Variants in ZNF250 observed in about 807,000 individuals in gnomAD.
The protein encoded by ZNF250 is zinc finger protein 250.
Under a neutral mutation model 37.1 loss-of-function variants are expected in ZNF250, and 13 were observed. The ratio of observed to expected loss-of-function variants is 0.35; its 90% confidence interval spans 0.23 to 0.56. The LOEUF is 0.56. Ranked by LOEUF, ZNF250 falls within the 20% of genes least tolerant of loss-of-function variation. The probability of loss-of-function intolerance (pLI) is 0.87; values close to 1 mark genes in which losing one functional copy is unlikely to be tolerated. For missense variants in ZNF250, 474 were observed against 697.9 expected (o/e 0.68, Z 3.61); for synonymous variants, 251 against 265.6 (o/e 0.94, Z 0.54).
At position 144,889,563 on chromosome 8, in the gene ZNF250, C is replaced by A; in HGVS notation, c.283+18G>T. 1 of 1,592,278 alleles carries A rather than the reference C, an allele frequency of 6.3e-7. No homozygotes were observed. The highest frequency in any genetic ancestry group is 8.6e-7 in the Non-Finnish European group (1 of 1,160,874). ...TGTTTAGCCCTCAGTGAGGGAGGGG[C>A]CAGCTCTCCTCACTCACCTGAGTAG... On this transcript the variant is annotated intron_variant, in intron 4 of 5. Transcript: ENST00000417550.
intron 1 of ZNF250, among the ~76,000 whole-genome samples, chr8:144,896,565 C>T (rs1255894712): frequency 1.3e-5 from 2 of 152,096 alleles, no homozygotes; most frequent in Non-Finnish European, 2.9e-5. Context: ...TAAGAGCTAT[C>T]GGGGGTGCCA....
In ZNF250 at chr8:144,880,574, G is replaced by C. The variant is rs762346036; in HGVS notation, c.*941C>G. On this transcript the variant is annotated 3_prime_UTR_variant, in exon 6 of 6. Coordinates refer to ENST00000417550, the MANE Select transcript of ZNF250 (RefSeq NM_001109689.4). ...TAAAGTTAAAAGCTCCAGATAAAGG[G>C]TTTTCTAGGCCAGGCATGGTGCCTC... The C allele has an allele frequency of 2.2e-6, 1 of 445,690 alleles. No individual in the cohort carries two copies. Among genetic ancestry groups the C allele is most frequent in the Non-Finnish European group, 4.6e-6 (1 of 219,246 alleles). The allele number at this position is 445,690 out of a possible 1,614,324, so 27.6% of individuals were successfully genotyped here. A position where few individuals can be genotyped will look rare whatever the true frequency, so the allele number is the denominator to read the frequency against.
chr8:144,883,570 C>A (rs181512779), intron 5 of ZNF250, among the ~76,000 whole-genome samples: 1 of 152,226 alleles, frequency 6.6e-6, no homozygotes, highest in Non-Finnish European at 1.5e-5. Flanking sequence ...GAACTCTTGA[C>A]TTCAAGTGAT....
Position 144,890,459 on chromosome 8 carries a change from G to T in ZNF250, c.-54-56C>A. On this transcript the variant is annotated intron_variant, in intron 1 of 5. Coordinates refer to ENST00000417550, the MANE Select transcript of ZNF250 (RefSeq NM_001109689.4). This position sits in a 1 kb window ranked among gnomAD's most constrained non-coding sequence, Gnocchi z 5.1. ...ATGGCCTTGAGACCGTAACTTCCTA[G>T]GGGGCCCTCAGGGGATCCCTGGGCC... 8.9e-7 allele frequency: 1 copy of T among 1,124,684 alleles called. No individual in the cohort carries two copies. The highest frequency in any genetic ancestry group is 1.2e-6 in the Non-Finnish European group (1 of 830,598). The allele number at this position is 1,124,684 out of a possible 1,614,324, so 69.7% of individuals were successfully genotyped here.
rs910681830 is a variant in ZNF250, at chr8:144,886,969, G to A, written c.284-67C>T. On this transcript the variant is annotated intron_variant, in intron 4 of 5. Transcript: ENST00000417550. ...CCTTCAAGAGTGGAAAATCCTGGCCGGGCATGGTGGCTCACGTCTGTAATC... is the reference window on the plus strand; with the variant it reads ...CCTTCAAGAGTGGAAAATCCTGGCCAGGCATGGTGGCTCACGTCTGTAATC... 1.6e-5 allele frequency: 23 copies of A among 1,427,824 alleles called. No individual in the cohort carries two copies. The Admixed American group carries it at 2.7e-4, about 17-fold the overall frequency. 88.4% of individuals were successfully genotyped at this position (1,427,824 alleles called of 1,614,324 possible).
rs1377638015 is a variant in ZNF250, at chr8:144,890,565, C to T, written c.-54-162G>A. 6.6e-6 allele frequency among the ~76,000 whole-genome samples: 1 copy of T among 152,024 alleles called. No individual in the cohort carries two copies. The highest frequency in any genetic ancestry group is 1.5e-5 in the Non-Finnish European group (1 of 67,958). On this transcript the variant is annotated intron_variant, in intron 1 of 5. Coordinates refer to ENST00000417550, the MANE Select transcript of ZNF250 (RefSeq NM_001109689.4). This position sits in a 1 kb window ranked among gnomAD's most constrained non-coding sequence, Gnocchi z 5.1. ...TGCAGCCTTGGTCTGCCTTGCCTCC[C>T]CCATGAACTCTGACCCTATGGTTCA...
At chr8:144,893,795 C>G (rs1009034111) in intron 1 of ZNF250, among the ~76,000 whole-genome samples, 4 of 152,134 alleles carry the variant, frequency 2.6e-5, no homozygotes, top group African/African-American at 9.7e-5. Flanking sequence ...GTCTTGCAGC[C>G]AGTTCTCTTG....
chr8:144,886,393 C>T (rs906318831), intron 5 of ZNF250, among the ~76,000 whole-genome samples: 2 of 152,142 alleles, frequency 1.3e-5, no homozygotes, highest in South Asian at 2.1e-4. Flanking sequence ...ATCCATGGCA[C>T]GAAAGCATCA....
In ZNF250 at chr8:144,882,387, CA is replaced by C; in HGVS notation, c.795del (p.Ala266LeufsTer80). ...CGKAFRVSSD[L>X]AQHHKIHTGE... ...CCTGTATGTATCTTGTGATGCTGAG[CA>C]AGATCTGAGCTCACTCTAAAGGCTT... On this transcript the variant is annotated frameshift_variant, in exon 6 of 6. Coordinates refer to ENST00000417550, the MANE Select transcript of ZNF250 (RefSeq NM_001109689.4). LOFTEE classifies it high-confidence loss of function. The surrounding 1 kb of genome is among the most constrained non-coding windows in gnomAD (Gnocchi z 5.5). 6.2e-7 allele frequency: 1 copy of C among 1,613,944 alleles called. No homozygotes were observed. Among genetic ancestry groups the C allele is most frequent in the Non-Finnish European group, 8.5e-7 (1 of 1,179,946 alleles).
In ZNF250 at chr8:144,880,181, C is replaced by T; in HGVS notation, c.*1334G>A. 1 of 219,524 alleles carries T rather than the reference C, an allele frequency of 4.6e-6. No homozygotes were observed. The highest frequency in any genetic ancestry group is 9.8e-5 in the East Asian group (1 of 10,172). 13.6% of individuals were successfully genotyped at this position (219,524 alleles called of 1,614,324 possible). On this transcript the variant is annotated 3_prime_UTR_variant, in exon 6 of 6. Transcript: ENST00000417550. ...TAGTAATATGGCAATGGATACTGGA[C>T]TCTTGAACCAGGAGTAAAAAAATGA... is the stretch of plus-strand genomic sequence containing the variant.
At chr8:144,901,749 CCGCT>C (rs1833123376), upstream of ZNF250, 1 of 152,846 alleles carries the variant, frequency 6.5e-6, no homozygotes, top group Admixed American at 6.5e-5. This position sits in a 1 kb window ranked among gnomAD's most constrained non-coding sequence, Gnocchi z 5.4. Context: ...CGAGCCTTAC[CCGCT>C]CGCAGTCCCG....
intron 4 of ZNF250, among the ~76,000 whole-genome samples, chr8:144,887,281 G>C (rs950741175): frequency 8.6e-6 from 1 of 116,456 alleles, no homozygotes; most frequent in South Asian, 2.7e-4. Context: ...AAAAAAAAAA[G>C]AGTGGAAAAT....
intron 1 of ZNF250, among the ~76,000 whole-genome samples, chr8:144,900,089 C>T (rs1216144710): frequency 6.6e-6 from 1 of 152,134 alleles, no homozygotes; most frequent in Non-Finnish European, 1.5e-5. Flanking sequence ...GCTGGCAAAT[C>T]ACAAAGAAAT....
rs1320768712 is a variant in ZNF250, at chr8:144,878,288, C to T, written c.*3227G>A. 6.6e-6 allele frequency: 1 copy of T among 152,190 alleles called. No homozygotes were observed. The highest frequency in any genetic ancestry group is 1.5e-5 in the Non-Finnish European group (1 of 68,048). The allele number at this position is 152,190 out of a possible 1,614,324, so 9.4% of individuals were successfully genotyped here. Reference sequence around the variant, plus strand: ...TCCCTAAAGTAACCTCTTTCTAAAGCATCACCCCTAGTGATCTCAACCTTT... The same window carrying T: ...TCCCTAAAGTAACCTCTTTCTAAAGTATCACCCCTAGTGATCTCAACCTTT... On this transcript the variant is annotated 3_prime_UTR_variant, in exon 6 of 6. Coordinates refer to ENST00000417550, the MANE Select transcript of ZNF250 (RefSeq NM_001109689.4).
chr8:144,889,839 C>T, intron 3 of ZNF250, 94 bp downstream of exon 3: 1 of 1,496,856 alleles, frequency 6.7e-7, no homozygotes, highest in Non-Finnish European at 8.9e-7. Context: ...GAGCAAACCT[C>T]CAGGACCAGC....
chr8:144,894,557 A>G (rs912128228), intron 1 of ZNF250, among the ~76,000 whole-genome samples: 4 of 150,390 alleles, frequency 2.7e-5, no homozygotes. Context: ...GCAGACCAAG[A>G]AGCAGGCCCA....
At chr8:144,889,858 G>A (rs1832187389) in intron 3 of ZNF250, 75 bp downstream of exon 3, 1 of 1,523,216 alleles carries the variant, frequency 6.6e-7, no homozygotes, top group Admixed American at 2.0e-5. Flanking sequence ...GCCTGTCCCA[G>A]GCCCCGTACC....
chr8:144,883,484 C>T (rs547561140), intron 5 of ZNF250, among the ~76,000 whole-genome samples: 14 of 152,090 alleles, frequency 9.2e-5, no homozygotes, highest in South Asian at 2.1e-4. Flanking sequence ...GGATTACAGA[C>T]GCACACCATC....
At position 144,890,172 on chromosome 8, in the gene ZNF250, A is replaced by C; in HGVS notation, c.43-113T>G. ...TGGCAGTGGGGGGCTCTGTGAGCTG[A>C]GGTGGGTGATGGGAAGGGGCCGCGG... On this transcript the variant is annotated intron_variant, in intron 2 of 5. Coordinates refer to ENST00000417550, the MANE Select transcript of ZNF250 (RefSeq NM_001109689.4). This position sits in a 1 kb window ranked among gnomAD's most constrained non-coding sequence, Gnocchi z 5.1. 6.5e-7 allele frequency: 1 copy of C among 1,533,026 alleles called. No individual in the cohort carries two copies. 95.0% of individuals were successfully genotyped at this position (1,533,026 alleles called of 1,614,324 possible).
Sources: allele counts gnomAD v4.1 joint callset (sites outside exome capture counted in the v4.1 genomes callset), GRCh38; gene constraint gnomAD v4.1.1; non-coding constraint Gnocchi (gnomAD v3.1); transcripts MANE v1.5; gene names NCBI Gene and HGNC (gene_info 2026-07-23, HGNC 2026-07-21).